The following GABRB1 variants were observed in gnomAD, a reference collection of about 807,000 sequenced individuals.
The protein encoded by GABRB1 is gamma-aminobutyric acid type A receptor subunit beta1.
In GABRB1, 17 loss-of-function variants were observed where a neutral mutation model predicts 51.6. The ratio of observed to expected loss-of-function variants is 0.33; its 90% CI spans 0.23 to 0.49. The LOEUF (loss-of-function observed/expected upper bound fraction) is 0.49. GABRB1 is among the 20% of genes least tolerant of loss of function. The probability of loss-of-function intolerance (pLI) is 0.99; values close to 1 mark genes in which losing one functional copy is unlikely to be tolerated. For synonymous variants in GABRB1, 247 were observed against 218.9 expected (o/e 1.13, Z -1.14); for missense variants, 410 against 600.6 (o/e 0.68, Z 3.32).
At chr4:47,195,089 G>C (rs555894901) in intron 4 of GABRB1, among the ~76,000 whole-genome samples, 1 of 152,116 alleles carries the variant, frequency 6.6e-6, no homozygotes, top group Non-Finnish European at 1.5e-5. Context: ...ATCCTGGGCC[G>C]GGCCCGGTGG....
intron 3 of GABRB1, among the ~76,000 whole-genome samples, chr4:47,139,728 A>G (rs1300278081): frequency 6.6e-6 from 1 of 152,008 alleles, no homozygotes; most frequent in Non-Finnish European, 1.5e-5. Flanking sequence ...TAAATTCTCT[A>G]CTGTAGTGCT....
chr4:47,371,021 A>C (rs1342561270), intron 5 of GABRB1, among the ~76,000 whole-genome samples: 1 of 152,098 alleles, frequency 6.6e-6, no homozygotes, highest in African/African-American at 2.4e-5. Context: ...TTTGCTGAAC[A>C]GATCAACCCA....
chr4:47,371,383 T>C (rs58150060), intron 5 of GABRB1, among the ~76,000 whole-genome samples: 80,227 of 152,002 alleles, frequency 0.53, 21,667 homozygotes, highest in African/African-American at 0.58. Context: ...TTATGAATAG[T>C]GCTGCAATCA....
Position 47,155,342 on chromosome 4 carries a change from G to A in GABRB1, c.241-5907G>A, listed in dbSNP as rs575342679. Among the ~76,000 whole-genome samples, 4 of 152,154 alleles carry A rather than the reference G, an allele frequency of 2.6e-5. No homozygotes were observed. In the East Asian group the frequency reaches 7.8e-4, roughly 30 times the overall value. ...GGAACAGAGGCCTGTACTTGGGACT[G>A]CTTTTAATATATATTAAAATCAATG... On this transcript the variant is annotated intron_variant, in intron 3 of 8. Transcript: ENST00000295454.
At chr4:47,064,633 C>T (rs1470119277) in intron 3 of GABRB1, among the ~76,000 whole-genome samples, 2 of 118,290 alleles carry the variant, frequency 1.7e-5, no homozygotes, top group Non-Finnish European at 1.7e-5. Flanking sequence ...AGCGAGGAGA[C>T]TCCATCTCAA....
chr4:47,364,560 G>T (rs182465313), intron 5 of GABRB1, among the ~76,000 whole-genome samples: 33 of 151,048 alleles, frequency 2.2e-4, no homozygotes, highest in African/African-American at 6.8e-4. Flanking sequence ...AAAATGGAAG[G>T]TTCAACAAAG....
At chr4:47,331,206 A>G (rs114734299) in intron 5 of GABRB1, among the ~76,000 whole-genome samples, 4,044 of 152,140 alleles carry the variant, frequency 0.027, 216 homozygotes, top group African/African-American at 0.092. Context: ...TAGTGCCTGT[A>G]GCTTTTTTGA....
chr4:47,210,137 G>C (rs1393124670), intron 4 of GABRB1, among the ~76,000 whole-genome samples: 1 of 152,088 alleles, frequency 6.6e-6, no homozygotes, highest in African/African-American at 2.4e-5. Flanking sequence ...CAGGAAGAGA[G>C]GAATGCAGAG....
chr4:47,320,274 C>A (rs1725030641), intron 5 of GABRB1, 65 bp downstream of exon 5: 1 of 1,021,466 alleles, frequency 9.8e-7, no homozygotes, highest in African/African-American at 1.6e-5. Flanking sequence ...AATTCAACTT[C>A]TCACTGAGTT....
rs145069090 is a variant in GABRB1 at position 47,052,464 on chromosome 4, T to A, written c.240+19980T>A. ...AGGGGGAGAGGTAATTCAGTTCCCA[T>A]ACATACCACATGCGCAATTACTTAC... On this transcript the variant is annotated intron_variant, in intron 3 of 8. Coordinates refer to ENST00000295454, the MANE Select transcript of GABRB1 (RefSeq NM_000812.4). Among the ~76,000 whole-genome samples, 753 of 152,322 alleles carry A rather than the reference T, an allele frequency of 4.9e-3. 5 individuals are homozygous for A. Among genetic ancestry groups the A allele is most frequent in the Middle Eastern group, 0.01 (3 of 294 alleles).
At chr4:47,117,234 G>A (rs941132847) in intron 3 of GABRB1, among the ~76,000 whole-genome samples, 1 of 152,138 alleles carries the variant, frequency 6.6e-6, no homozygotes, top group African/African-American at 2.4e-5. Flanking sequence ...TAGAAAAATA[G>A]TTGAATTATA....
intron 5 of GABRB1, among the ~76,000 whole-genome samples, chr4:47,337,701 T>C (rs1471266428): frequency 1.3e-5 from 2 of 150,740 alleles, no homozygotes; most frequent in African/African-American, 4.9e-5. Context: ...TCCCAGCTAC[T>C]TGGGAGGCTG....
Position 47,056,852 on chromosome 4 carries a change from A to G in GABRB1, c.240+24368A>G, listed in dbSNP as rs1726629149. 2.0e-5 allele frequency among the ~76,000 whole-genome samples: 3 copies of G among 152,164 alleles called. No individual in the cohort carries two copies. In the South Asian group the frequency reaches 6.2e-4, roughly 32 times the overall value. On this transcript the variant is annotated intron_variant, in intron 3 of 8. Transcript: ENST00000295454. ...GCTGGCAGCAGTGGCTCACGCCTGTACTCCCAGCACTTTGGGAGGCCAAGG... is the reference window on the plus strand; with the variant it reads ...GCTGGCAGCAGTGGCTCACGCCTGTGCTCCCAGCACTTTGGGAGGCCAAGG...
intron 4 of GABRB1, among the ~76,000 whole-genome samples, chr4:47,309,331 C>A (rs767061544): frequency 1.3e-4 from 19 of 151,930 alleles, no homozygotes; most frequent in Non-Finnish European, 2.5e-4. Flanking sequence ...TAAAGTGGTT[C>A]ATGAATCACC....
chr4:47,340,368 C>A (rs1009576324), intron 5 of GABRB1, among the ~76,000 whole-genome samples: 2 of 150,046 alleles, frequency 1.3e-5, no homozygotes, highest in Non-Finnish European at 3.0e-5. Flanking sequence ...AAAATAATGG[C>A]CTTTCCTCCA....
chr4:47,008,996 T>C (rs1273857416), intron 1 of GABRB1, among the ~76,000 whole-genome samples: 2 of 147,934 alleles, frequency 1.4e-5, no homozygotes, highest in Non-Finnish European at 3.0e-5. Flanking sequence ...CCCGAGTAGC[T>C]GGGACTACAG....
rs574779573 is a variant in GABRB1 at position 47,137,049 on chromosome 4, G to A, written c.241-24200G>A. Among the ~76,000 whole-genome samples, 33 of 152,178 alleles carry A rather than the reference G, an allele frequency of 2.2e-4. No individual in the cohort carries two copies. In the Middle Eastern group the frequency reaches 0.01, roughly 47 times the overall value. Reference sequence around the variant, plus strand: ...GCCGATATGAAAATGCGGAAAGGGCGCCACAGAAGGGTAACCTACCCTGAA... The same window carrying A: ...GCCGATATGAAAATGCGGAAAGGGCACCACAGAAGGGTAACCTACCCTGAA... On this transcript the variant is annotated intron_variant, in intron 3 of 8. Transcript: ENST00000295454.
intron 5 of GABRB1, among the ~76,000 whole-genome samples, chr4:47,393,728 A>G (rs1254753287): frequency 1.3e-5 from 2 of 152,212 alleles, no homozygotes; most frequent in African/African-American, 4.8e-5. Flanking sequence ...TCTGCCAGGC[A>G]GGCCTGCTCT....
chr4:47,362,166 G>A (rs1726832516), intron 5 of GABRB1, among the ~76,000 whole-genome samples: 1 of 152,124 alleles, frequency 6.6e-6, no homozygotes, highest in South Asian at 2.1e-4. Flanking sequence ...GGATGGCAAG[G>A]ATAATCAGGT....
Sources: allele counts gnomAD v4.1 joint callset (sites outside exome capture counted in the v4.1 genomes callset), GRCh38; gene constraint gnomAD v4.1.1; transcripts MANE v1.5; gene names NCBI Gene and HGNC (gene_info 2026-07-23, HGNC 2026-07-21).